ACTR3B: variants seen among roughly 807,000 people sequenced by gnomAD.
ACTR3B encodes the protein actin-related protein 3B.
In ACTR3B, 8 loss-of-function variants were observed where a neutral mutation model predicts 59.0. The observed-to-expected ratio is 0.14, with a 90% CI of 0.08 to 0.24. The LOEUF (loss-of-function observed/expected upper bound fraction) is 0.24. Ranked by LOEUF, ACTR3B falls within the 10% of genes least tolerant of loss-of-function variation. ACTR3B has a pLI of 1.00. For missense variants in ACTR3B, 245 were observed against 552.3 expected, an observed-to-expected ratio of 0.44 and a Z score of 5.58; for synonymous variants, 148 against 197.9, an observed-to-expected ratio of 0.75 and a Z score of 2.12.
Position 152,773,669 on chromosome 7 carries a change from C to CA in ACTR3B, c.45-9509dup, listed in dbSNP as rs1034680112. 3.4e-4 allele frequency among the ~76,000 whole-genome samples: 52 copies of CA among 151,004 alleles called. No individual in the cohort carries two copies. In the East Asian group the frequency reaches 7.2e-3, roughly 21 times the overall value. On this transcript the variant is annotated intron_variant, in intron 1 of 11. Transcript: ENST00000256001. ...GCGTGAGTATTATTTGATTGCAAAA[C>CA]AAAAAAAAATTAAATGAAACAAGGG... is the stretch of plus-strand genomic sequence containing the variant.
chr7:152,828,311 T>TCTAGGGCTC (rs1796742897), intron 9 of ACTR3B, among the ~76,000 whole-genome samples: 1 of 151,968 alleles, frequency 6.6e-6, no homozygotes, highest in South Asian at 2.1e-4. Context: ...CACACACTAC[T>TCTAGGGCTC]CTAGGGCTCC....
intron 1 of ACTR3B, among the ~76,000 whole-genome samples, chr7:152,766,782 T>C (rs1364516176): frequency 6.6e-6 from 1 of 152,140 alleles, no homozygotes; most frequent in Non-Finnish European, 1.5e-5. Context: ...GTTTCTTTTC[T>C]TCTTTTTCTT....
intron 9 of ACTR3B, among the ~76,000 whole-genome samples, chr7:152,843,008 C>T (rs935962997): frequency 6.6e-6 from 1 of 152,120 alleles, no homozygotes; most frequent in Admixed American, 6.5e-5. Context: ...GTGAAATGTC[C>T]GTTTGAATCT....
At position 152,783,957 on chromosome 7, in the gene ACTR3B, G is replaced by A. The variant is rs537465707; in HGVS notation, c.100+715G>A. Among the ~76,000 whole-genome samples, 83 of 152,192 alleles carry A rather than the reference G, an allele frequency of 5.5e-4. 1 individual carries two copies. The highest frequency in any genetic ancestry group is 1.7e-3 in the African/African-American group (71 of 41,510). The stretch of plus-strand genomic sequence containing the variant: ...ATACAAAAATTAGTTGGGTGTGGTC[G>A]CAAGTACCTGTAATCCCAGCGACTC... On this transcript the variant is annotated intron_variant, in intron 2 of 11. Coordinates refer to ENST00000256001, the MANE Select transcript of ACTR3B (RefSeq NM_020445.6).
At chr7:152,852,893 A>G (rs536416919) in intron 10 of ACTR3B, among the ~76,000 whole-genome samples, 50 of 151,776 alleles carry the variant, frequency 3.3e-4, no homozygotes, top group Admixed American at 2.8e-3. Context: ...CTGGGTTCAC[A>G]CCATTCTCCT....
At chr7:152,780,463 CTCCT>C (rs2098148897) in intron 1 of ACTR3B, among the ~76,000 whole-genome samples, 1 of 151,362 alleles carries the variant, frequency 6.6e-6, no homozygotes, top group Non-Finnish European at 1.5e-5. Flanking sequence ...TGACAGAGAC[CTCCT>C]TCCAAGACTA....
chr7:152,766,088 G>T (rs1247720913), intron 1 of ACTR3B, among the ~76,000 whole-genome samples: 1 of 152,074 alleles, frequency 6.6e-6, no homozygotes, highest in East Asian at 1.9e-4. Context: ...GGTCTGTTCA[G>T]GGGTTCCGCA....
chr7:152,759,957 C>T, intron 1 of ACTR3B, 31 bp downstream of exon 1: 5 of 1,338,560 alleles, frequency 3.7e-6, no homozygotes, highest in Non-Finnish European at 4.8e-6. Flanking sequence ...ACCCCCGCTC[C>T]TCCGCGGCCC....
At chr7:152,814,726 G>A (rs1795548371) in intron 5 of ACTR3B, 81 bp downstream of exon 5, 26 of 1,110,648 alleles carry the variant, frequency 2.3e-5, no homozygotes, top group Non-Finnish European at 3.0e-5. Flanking sequence ...AAGGTTCTCC[G>A]CTGGAAGACT....
chr7:152,832,303 A>T (rs1261613727), intron 9 of ACTR3B, among the ~76,000 whole-genome samples: 3 of 152,128 alleles, frequency 2.0e-5, no homozygotes, highest in African/African-American at 7.2e-5. Flanking sequence ...GTTGAGTTGC[A>T]GTTGTAGGTT....
chr7:152,823,961 C>A (rs1360551209), intron 8 of ACTR3B, among the ~76,000 whole-genome samples: 2 of 152,184 alleles, frequency 1.3e-5, no homozygotes, highest in Non-Finnish European at 2.9e-5. Context: ...TTCCCTGCTG[C>A]AAGTTAGGTA....
chr7:152,789,647 A>G (rs2116664193), intron 2 of ACTR3B, among the ~76,000 whole-genome samples: 1 of 151,734 alleles, frequency 6.6e-6, no homozygotes, highest in East Asian at 1.9e-4. Context: ...ATTGCCTTCA[A>G]ATAGTGGTTA....
At chr7:152,847,156 T>C (rs1211007292) in intron 9 of ACTR3B, among the ~76,000 whole-genome samples, 1 of 147,606 alleles carries the variant, frequency 6.8e-6, no homozygotes. Context: ...GGCTGCAGTC[T>C]GTAGTGAGCT....
intron 9 of ACTR3B, among the ~76,000 whole-genome samples, chr7:152,829,038 GTGTGTGTA>G (rs1563138514): frequency 3.3e-5 from 5 of 150,398 alleles, no homozygotes; most frequent in Admixed American, 2.7e-4. Flanking sequence ...AAAATTGTGT[GTGTGTGTA>G]TATATATATA....
chr7:152,847,138 G>A lies in ACTR3B; in HGVS notation c.952-4988G>A, dbSNP rs1008167390. On this transcript the variant is annotated intron_variant, in intron 9 of 11. Transcript: ENST00000256001. ...GGGCTGTAGTCTGTAGTGAGCTCTA[G>A]TGCCCGGGGCTGCAGTCTGTAGTGA... Among the ~76,000 whole-genome samples the A allele has an allele frequency of 7.9e-5, 11 of 138,392 alleles. No homozygotes were observed. The South Asian group carries it at 9.6e-4, about 12-fold the overall frequency. The allele number at this position is 138,392 out of a possible 152,430, so 90.8% of individuals were successfully genotyped here.
At chr7:152,807,654 A>G (rs912803964) in intron 4 of ACTR3B, among the ~76,000 whole-genome samples, 1 of 152,220 alleles carries the variant, frequency 6.6e-6, no homozygotes, top group Non-Finnish European at 1.5e-5. Context: ...TCTTGTCAGC[A>G]TTAATATTAT....
chr7:152,811,690 T>C (rs1279505828), intron 4 of ACTR3B: 1 of 152,192 alleles, frequency 6.6e-6, no homozygotes, highest in African/African-American at 2.4e-5. Context: ...ACCCTGTATT[T>C]GTTTAGGGGT....
intron 3 of ACTR3B, among the ~76,000 whole-genome samples, chr7:152,801,034 T>C (rs1352729593): frequency 2.0e-5 from 3 of 152,296 alleles, no homozygotes; most frequent in African/African-American, 4.8e-5. Flanking sequence ...CCAGATCCAA[T>C]TGTATGATAA....
At chr7:152,813,252 G>A (rs1208385897) in intron 4 of ACTR3B, 1 of 125,874 alleles carries the variant, frequency 7.9e-6, no homozygotes, top group Admixed American at 8.7e-5. Flanking sequence ...TCATAATAAA[G>A]GGTAATGTAT....
Sources: allele counts gnomAD v4.1 joint callset (sites outside exome capture counted in the v4.1 genomes callset), GRCh38; gene constraint gnomAD v4.1.1; transcripts MANE v1.5; gene names NCBI Gene and HGNC (gene_info 2026-07-23, HGNC 2026-07-21).